Variants in CPED1 observed in about 807,000 individuals in gnomAD.
The protein encoded by CPED1 is cadherin-like and PC-esterase domain-containing protein 1.
In CPED1, 114 loss-of-function variants were observed where a neutral mutation model predicts 128.2. The ratio of observed to expected loss-of-function variants is 0.89; its 90% CI spans 0.76 to 1.04. CPED1 has a LOEUF of 1.04. CPED1 is among the 50% of genes least tolerant of loss of function. CPED1 has a pLI of 0.00. For missense variants in CPED1, 1,211 were observed against 1,207.1 expected, an observed-to-expected ratio of 1.00 and a Z score of -0.05; for synonymous variants, 462 against 426.7, an observed-to-expected ratio of 1.08 and a Z score of -1.02.
chr7:121,008,748 C>T (rs572623523), intron 2 of CPED1, among the ~76,000 whole-genome samples: 2 of 152,146 alleles, frequency 1.3e-5, no homozygotes, highest in African/African-American at 4.8e-5. Context: ...GTTTATTGCT[C>T]TTCTTGCAAA....
chr7:121,295,163 A>G (rs929112192), intron 22 of CPED1, among the ~76,000 whole-genome samples: 1 of 151,984 alleles, frequency 6.6e-6, no homozygotes, highest in Non-Finnish European at 1.5e-5. Context: ...ACACACACAC[A>G]CACACACACA....
intron 20 of CPED1, 88 bp downstream of exon 20, chr7:121,266,896 A>G: frequency 1.1e-6 from 1 of 910,326 alleles, no homozygotes; most frequent in Non-Finnish European, 1.8e-6. Flanking sequence ...GATTTTATTT[A>G]AAGAACAACT....
At chr7:120,990,902 G>T (rs571734491) in intron 2 of CPED1, among the ~76,000 whole-genome samples, 5 of 152,244 alleles carry the variant, frequency 3.3e-5, no homozygotes, top group African/African-American at 1.2e-4. Context: ...TATTTATTTC[G>T]TTTCAGACTA....
At chr7:121,079,768 C>T (rs774643580) in intron 5 of CPED1, among the ~76,000 whole-genome samples, 1 of 152,224 alleles carries the variant, frequency 6.6e-6, no homozygotes, top group Non-Finnish European at 1.5e-5. Flanking sequence ...CAGTGTCAAA[C>T]TGATTTGGGA....
chr7:121,210,884 A>AC (rs2116592727), intron 16 of CPED1, among the ~76,000 whole-genome samples: 1 of 152,188 alleles, frequency 6.6e-6, no homozygotes, highest in Non-Finnish European at 1.5e-5. Context: ...TGTGATTATT[A>AC]CACATTGTAT....
intron 13 of CPED1, 85 bp from the exon 14 acceptor site, chr7:121,135,955 A>G (rs1355520178): frequency 9.5e-7 from 1 of 1,054,172 alleles, no homozygotes; most frequent in Non-Finnish European, 1.3e-6. Flanking sequence ...AACATGTTTT[A>G]TTAAGTTATC....
intron 16 of CPED1, among the ~76,000 whole-genome samples, chr7:121,150,605 A>G (rs1490114678): frequency 6.6e-6 from 1 of 152,064 alleles, no homozygotes; most frequent in African/African-American, 2.4e-5. Flanking sequence ...ATTTTGTTTT[A>G]AGGTCTTTGA....
In CPED1 at chr7:121,167,820, C is replaced by T. The variant is rs192017496; in HGVS notation, c.2055+25679C>T. Among the ~76,000 whole-genome samples, 1,214 of 150,038 alleles carry T rather than the reference C, an allele frequency of 8.1e-3. 15 individuals are homozygous for T. The highest frequency in any genetic ancestry group is 0.028 in the African/African-American group (1,141 of 40,650). On this transcript the variant is annotated intron_variant, in intron 16 of 22. Coordinates refer to ENST00000310396, the MANE Select transcript of CPED1 (RefSeq NM_024913.5). Reference sequence around the variant, plus strand: ...GATCTCGGCCCACTGCAAGCTCTGCCTCCCGGGTTCACGCCATTCTCCTGC... The same window carrying T: ...GATCTCGGCCCACTGCAAGCTCTGCTTCCCGGGTTCACGCCATTCTCCTGC...
intron 22 of CPED1, among the ~76,000 whole-genome samples, chr7:121,287,096 G>T (rs1330670644): frequency 1.3e-5 from 2 of 152,256 alleles, no homozygotes; most frequent in South Asian, 2.1e-4. Flanking sequence ...CCTCTACCTG[G>T]TCTCTCCCTT....
chr7:121,275,565 A>G (rs1792314288), intron 22 of CPED1, among the ~76,000 whole-genome samples: 1 of 152,124 alleles, frequency 6.6e-6, no homozygotes, highest in South Asian at 2.1e-4. Context: ...ACCAACTGAT[A>G]TGTTATTATT....
chr7:121,119,206 A>G (rs567759760), intron 7 of CPED1, among the ~76,000 whole-genome samples: 21 of 147,592 alleles, frequency 1.4e-4, no homozygotes, highest in South Asian at 1.3e-3. Context: ...CTTTTTTTCT[A>G]TTGCGAAATA....
intron 16 of CPED1, chr7:121,195,179 A>G (rs1797243832): frequency 6.6e-6 from 1 of 152,184 alleles, no homozygotes; most frequent in South Asian, 2.1e-4. Context: ...AAATAGAAAC[A>G]TGTAAGACCC....
At chr7:120,991,443 T>C (rs1184402238) in intron 2 of CPED1, among the ~76,000 whole-genome samples, 2 of 152,214 alleles carry the variant, frequency 1.3e-5, no homozygotes, top group African/African-American at 4.8e-5. Context: ...ACTGTTAAAG[T>C]CATTTCTTGT....
chr7:121,269,740 T>C (rs776570003), intron 21 of CPED1, among the ~76,000 whole-genome samples: 5 of 152,140 alleles, frequency 3.3e-5, no homozygotes, highest in Non-Finnish European at 5.9e-5. Flanking sequence ...ATTTCTCTGA[T>C]GATTAGTGGC....
At chr7:121,262,724 G>A (rs989834812) in intron 18 of CPED1, among the ~76,000 whole-genome samples, 1 of 151,976 alleles carries the variant, frequency 6.6e-6, no homozygotes, top group African/African-American at 2.4e-5. Flanking sequence ...CAAATAATCT[G>A]CAAATTTCCT....
At chr7:121,245,935 C>G (rs748570541) in intron 18 of CPED1, among the ~76,000 whole-genome samples, 1 of 152,026 alleles carries the variant, frequency 6.6e-6, no homozygotes, top group African/African-American at 2.4e-5. Flanking sequence ...TCAAGTGATC[C>G]ACCCGCCTCG....
At chr7:121,210,346 G>T (rs147321255) in intron 16 of CPED1, among the ~76,000 whole-genome samples, 1 of 152,026 alleles carries the variant, frequency 6.6e-6, no homozygotes, top group African/African-American at 2.4e-5. Context: ...ATATAGAAGA[G>T]ATAGCTGCAC....
Position 121,049,893 on chromosome 7 carries a change from T to G in CPED1, c.540+2900T>G, listed in dbSNP as rs527892186. 1.1e-4 allele frequency among the ~76,000 whole-genome samples: 16 copies of G among 152,366 alleles called. No homozygotes were observed. In the South Asian group the frequency reaches 3.1e-3, roughly 30 times the overall value. On this transcript the variant is annotated intron_variant, in intron 4 of 22. Coordinates refer to ENST00000310396, the MANE Select transcript of CPED1 (RefSeq NM_024913.5). ...TCACATCTGGGGGGATGTTTGGTAC[T>G]GGCATCTATAGGTTAAAGCCAAGGA...
chr7:121,195,971 T>A (rs1797262177), intron 16 of CPED1, among the ~76,000 whole-genome samples: 1 of 152,046 alleles, frequency 6.6e-6, no homozygotes, highest in Non-Finnish European at 1.5e-5. Flanking sequence ...ATAAAGGGAC[T>A]ATGTGGCTTA....
Sources: allele counts gnomAD v4.1 joint callset (sites outside exome capture counted in the v4.1 genomes callset), GRCh38; gene constraint gnomAD v4.1.1; transcripts MANE v1.5; gene names NCBI Gene and HGNC (gene_info 2026-07-23, HGNC 2026-07-21).